The following CCDC175 variants were observed in gnomAD, a reference collection of about 807,000 sequenced individuals.
CCDC175 encodes the protein coiled-coil domain-containing protein 175.
CCDC175 carries 100 observed loss-of-function variants against 114.6 expected under a neutral mutation model. The observed-to-expected ratio is 0.87, with a 90% confidence interval of 0.74 to 1.03. The LOEUF is 1.03. CCDC175 is among the 50% of genes least tolerant of loss of function. CCDC175 has a pLI of 0.00. For synonymous variants in CCDC175, 306 were observed against 308.7 expected, an observed-to-expected ratio of 0.99 and a Z score of 0.09; for missense variants, 880 against 917.8, an observed-to-expected ratio of 0.96 and a Z score of 0.53.
chr14:59,548,572 T>C (rs1209475517), intron 8 of CCDC175, among the ~76,000 whole-genome samples: 1 of 152,174 alleles, frequency 6.6e-6, no homozygotes, highest in Non-Finnish European at 1.5e-5. Context: ...CAGAAAATCA[T>C]GTGGGCTAGA....
intron 19 of CCDC175, among the ~76,000 whole-genome samples, chr14:59,506,784 T>G (rs1025303700): frequency 1.3e-5 from 2 of 152,232 alleles, no homozygotes; most frequent in Non-Finnish European, 2.9e-5. Context: ...TGTAGATGAT[T>G]GTATCAAGCC....
At chr14:59,530,533 T>C (rs1894008914) in intron 14 of CCDC175, among the ~76,000 whole-genome samples, 1 of 151,736 alleles carries the variant, frequency 6.6e-6, no homozygotes, top group Non-Finnish European at 1.5e-5. Context: ...TAAGTCTGGG[T>C]AAAAGTGATA....
intron 15 of CCDC175, 48 bp from the exon 16 acceptor site, chr14:59,525,482 G>A (rs1486146781): frequency 1.9e-5 from 27 of 1,410,422 alleles, no homozygotes; most frequent in Non-Finnish European, 2.6e-5. Context: ...AAACAGTAGG[G>A]CACGAGGGTA....
At chr14:59,554,746 A>G (rs1194930377) in intron 7 of CCDC175, among the ~76,000 whole-genome samples, 1 of 152,210 alleles carries the variant, frequency 6.6e-6, no homozygotes, top group Non-Finnish European at 1.5e-5. Flanking sequence ...AAAAGAGAGA[A>G]GAATCAAATA....
At chr14:59,555,095 T>C (rs530404528) in intron 7 of CCDC175, among the ~76,000 whole-genome samples, 2 of 152,034 alleles carry the variant, frequency 1.3e-5, no homozygotes, top group East Asian at 1.9e-4. Context: ...AAAGAGGGAA[T>C]CCTCCCTAAC....
chr14:59,550,700 C>G (rs141165179), intron 8 of CCDC175, among the ~76,000 whole-genome samples: 289 of 152,242 alleles, frequency 1.9e-3, no homozygotes, highest in African/African-American at 6.2e-3. Context: ...TGTTCGAGAG[C>G]AGGAAGCATC....
chr14:59,532,114 G>A (rs1327883723), intron 13 of CCDC175, among the ~76,000 whole-genome samples: 1 of 152,138 alleles, frequency 6.6e-6, no homozygotes, highest in Non-Finnish European at 1.5e-5. Flanking sequence ...AATCCACAAA[G>A]TAAGGAGATT....
At chr14:59,563,688 G>T in intron 6 of CCDC175, 49 bp downstream of exon 6, 1 of 1,162,820 alleles carries the variant, frequency 8.6e-7, no homozygotes, top group South Asian at 3.0e-5. Flanking sequence ...CTTTTTTATT[G>T]AGGTGCCTAG....
chr14:59,538,706 T>G lies in CCDC175; in HGVS notation c.1490A>C (p.Glu497Ala). 6.5e-7 allele frequency: 1 copy of G among 1,533,752 alleles called. No homozygotes were observed. Among genetic ancestry groups the G allele is most frequent in the South Asian group, 1.2e-5 (1 of 83,024 alleles). ...AEVRRIELLNETSFRQQEISG... is the reference protein window; with the variant it reads ...AEVRRIELLNATSFRQQEISG... ...TCTAAGTTCTTTCAGTTCTCTTACC[T>G]CGTTAAGTAATTCAATTCGTCTAAC... Residue 497 changes from glutamate (E) to alanine (A), a missense_variant and splice_region_variant, in exon 12 of 20, where the codon GAG becomes GCG. By Grantham distance (107) the Glu-to-Ala change is moderately radical. Transcript: ENST00000537690.
chr14:59,530,459 GA>G (rs1276961582), intron 14 of CCDC175, among the ~76,000 whole-genome samples: 2 of 141,118 alleles, frequency 1.4e-5, no homozygotes, highest in Non-Finnish European at 3.1e-5. Context: ...GAGGGGAGAG[GA>G]GGGGAGGGGA....
chr14:59,543,330 G>A lies in CCDC175; in HGVS notation c.1283+14C>T. On this transcript the variant is annotated intron_variant, in intron 10 of 19. Transcript: ENST00000537690. ...GAAAGTAAAGATAAAAAATTTCAAAGGCAACAAACATACTGTTGAAGTTCC... is the reference window on the plus strand; with the variant it reads ...GAAAGTAAAGATAAAAAATTTCAAAAGCAACAAACATACTGTTGAAGTTCC... The A allele has an allele frequency of 2.0e-6, 2 of 990,142 alleles. No individual in the cohort carries two copies. Among genetic ancestry groups the A allele is most frequent in the Non-Finnish European group, 2.9e-6 (2 of 701,482 alleles). 61.3% of individuals were successfully genotyped at this position (990,142 alleles called of 1,614,324 possible). A position where few individuals can be genotyped will look rare whatever the true frequency, so the allele number is the denominator to read the frequency against.
intron 6 of CCDC175, among the ~76,000 whole-genome samples, chr14:59,563,039 A>C (rs1896312353): frequency 6.6e-6 from 1 of 152,214 alleles, no homozygotes; most frequent in Non-Finnish European, 1.5e-5. Context: ...TTCAAGACAC[A>C]TAGAAAAAAT....
chr14:59,576,154 A>G (rs1361600965), intron 1 of CCDC175, among the ~76,000 whole-genome samples: 3 of 152,166 alleles, frequency 2.0e-5, no homozygotes, highest in Non-Finnish European at 4.4e-5. Context: ...AACCCTTTAC[A>G]TCTAATTTTT....
intron 11 of CCDC175, 35 bp downstream of exon 11, chr14:59,540,640 C>T: frequency 6.9e-7 from 1 of 1,455,010 alleles, no homozygotes; most frequent in Non-Finnish European, 9.1e-7. Flanking sequence ...ACACAAAACA[C>T]AAATAAACTT....
At chr14:59,553,342 G>A (rs1310294640) in intron 7 of CCDC175, among the ~76,000 whole-genome samples, 2 of 152,164 alleles carry the variant, frequency 1.3e-5, no homozygotes, top group East Asian at 1.9e-4. Flanking sequence ...TTTCAACCCA[G>A]AATTTCATAT....
chr14:59,543,265 A>G (rs1047811977), intron 10 of CCDC175, 79 bp downstream of exon 10: 1 of 535,412 alleles, frequency 1.9e-6, no homozygotes, highest in Non-Finnish European at 3.2e-6. Context: ...AGAAATCAAC[A>G]TAGATTTACT....
chr14:59,562,393 A>AC (rs1896272961), intron 6 of CCDC175, among the ~76,000 whole-genome samples: 2 of 152,258 alleles, frequency 1.3e-5, no homozygotes, highest in South Asian at 4.1e-4. Flanking sequence ...CAACGGCAAC[A>AC]AACTACCAAA....
chr14:59,561,857 G>A (rs1896240752), intron 6 of CCDC175, among the ~76,000 whole-genome samples: 1 of 152,174 alleles, frequency 6.6e-6, no homozygotes, highest in Non-Finnish European at 1.5e-5. Context: ...TTCAGCTTGT[G>A]AGGGACAATG....
At chr14:59,551,737 G>A (rs914327593) in intron 7 of CCDC175, among the ~76,000 whole-genome samples, 1 of 152,194 alleles carries the variant, frequency 6.6e-6, no homozygotes, top group Non-Finnish European at 1.5e-5. Context: ...AGCCATGACA[G>A]ACAGCACCTG....
Sources: gnomAD v4.1 joint callset for allele counts (sites outside exome capture counted in the v4.1 genomes callset) on GRCh38, gnomAD v4.1.1 for gene constraint, MANE v1.5 for transcripts, NCBI Gene and HGNC (gene_info 2026-07-23, HGNC 2026-07-21) for gene names.